SPIRE1: variants seen among roughly 807,000 people sequenced by gnomAD.
The protein encoded by SPIRE1 is spire type actin nucleation factor 1.
A neutral mutation model predicts 94.1 loss-of-function variants in SPIRE1; 40 were observed. The observed-to-expected ratio is 0.43, with a 90% CI of 0.33 to 0.55. SPIRE1 has a LOEUF of 0.55. Among genes scored for constraint, SPIRE1 ranks in the 20% least tolerant of loss-of-function variants. The probability of loss-of-function intolerance (pLI) is 0.06; values close to 1 mark genes in which losing one functional copy is unlikely to be tolerated. For missense variants in SPIRE1, 838 were observed against 975.2 expected, an observed-to-expected ratio of 0.86 and a Z score of 1.87; for synonymous variants, 376 against 371.7, an observed-to-expected ratio of 1.01 and a Z score of -0.13.
chr18:12,637,138 T>C (rs2037952663), intron 1 of SPIRE1, among the ~76,000 whole-genome samples: 1 of 152,132 alleles, frequency 6.6e-6, no homozygotes, highest in Non-Finnish European at 1.5e-5. Flanking sequence ...GGCAGACAGA[T>C]CATGAGGTCA....
intron 8 of SPIRE1, among the ~76,000 whole-genome samples, chr18:12,492,445 A>G (rs2033269614): frequency 6.6e-6 from 1 of 152,222 alleles, no homozygotes; most frequent in Admixed American, 6.5e-5. Context: ...TGCTTGTAGT[A>G]TACACTAAAA....
At position 12,504,073 on chromosome 18, in the gene SPIRE1, A is replaced by G. The variant is rs149328424; in HGVS notation, c.972+2404T>C. On this transcript the variant is annotated intron_variant, in intron 6 of 16. Transcript: ENST00000409402. ...TGAACTTGGGAAGTTACTACTGAGCATCTTTAAATTTCAGTTTCCTCATCT... is the reference window on the plus strand; with the variant it reads ...TGAACTTGGGAAGTTACTACTGAGCGTCTTTAAATTTCAGTTTCCTCATCT... Among the ~76,000 whole-genome samples, 28 of 147,928 alleles carry G rather than the reference A, an allele frequency of 1.9e-4. 1 individual carries two copies. The East Asian group carries it at 5.4e-3, about 29-fold the overall frequency.
intron 3 of SPIRE1, among the ~76,000 whole-genome samples, chr18:12,542,786 A>C (rs1405391746): frequency 6.6e-6 from 1 of 152,102 alleles, no homozygotes; most frequent in South Asian, 2.1e-4. Context: ...GTAAGACATT[A>C]TTATTTTTTG....
intron 12 of SPIRE1, among the ~76,000 whole-genome samples, chr18:12,457,355 TA>T (rs1868338367): frequency 6.6e-6 from 1 of 152,232 alleles, no homozygotes; most frequent in African/African-American, 2.4e-5. Flanking sequence ...TTTACAAAAA[TA>T]TTAATTCGAC....
intron 8 of SPIRE1, among the ~76,000 whole-genome samples, chr18:12,492,132 T>G (rs1194881791): frequency 6.6e-6 from 1 of 152,006 alleles, no homozygotes; most frequent in Admixed American, 6.6e-5. Context: ...TGGAAGGTAG[T>G]CAGAAACAAA....
intron 2 of SPIRE1, among the ~76,000 whole-genome samples, chr18:12,599,808 T>C (rs2036780473): frequency 6.6e-6 from 1 of 152,186 alleles, no homozygotes; most frequent in African/African-American, 2.4e-5. Flanking sequence ...ACACAGACTC[T>C]AAGACATCCC....
At chr18:12,570,308 G>A (rs2035931588) in intron 2 of SPIRE1, among the ~76,000 whole-genome samples, 1 of 152,168 alleles carries the variant, frequency 6.6e-6, no homozygotes, top group Non-Finnish European at 1.5e-5. Flanking sequence ...AATAGATAGC[G>A]TAAGTCTTAA....
chr18:12,634,966 G>A, intron 2 of SPIRE1, 96 bp downstream of exon 2: 1 of 619,396 alleles, frequency 1.6e-6, no homozygotes, highest in East Asian at 3.1e-5. Context: ...CTTATCAGAA[G>A]ACCAAGAACC....
intron 10 of SPIRE1, among the ~76,000 whole-genome samples, chr18:12,471,360 A>G (rs376249766): frequency 6.6e-6 from 1 of 151,516 alleles, no homozygotes; most frequent in Non-Finnish European, 1.5e-5. Context: ...GGCCCCTTCC[A>G]GTTAAAAAAA....
intron 1 of SPIRE1, among the ~76,000 whole-genome samples, chr18:12,648,755 G>A (rs575834289): frequency 5.5e-4 from 84 of 151,976 alleles, no homozygotes; most frequent in African/African-American, 1.8e-3. Flanking sequence ...CAGGTGTGGT[G>A]GCAGGTGCCT....
Position 12,454,409 on chromosome 18 carries a change from C to T in SPIRE1, c.1713G>A (p.Val571=). Residue 571 remains valine (V), a synonymous_variant, in exon 13 of 17, where the codon GTG becomes GTA. Transcript: ENST00000409402. ...EEVMHIRQVL[V]KAELEKYQQY... ...GTTGGTATTTTTCCAGCTCTGCCTT[C>T]ACCAGGACCTGGCGAATATGCATCA... The T allele has an allele frequency of 1.9e-6, 3 of 1,614,160 alleles. No individual in the cohort carries two copies. The highest frequency in any genetic ancestry group is 2.5e-6 in the Non-Finnish European group (3 of 1,180,012).
chr18:12,508,078 G>A (rs765642981), intron 5 of SPIRE1, among the ~76,000 whole-genome samples: 14 of 151,534 alleles, frequency 9.2e-5, no homozygotes, highest in African/African-American at 1.5e-4. Flanking sequence ...CCTGGGAGGC[G>A]GAGGTTGCAG....
chr18:12,480,299 A>C (rs191290180), intron 9 of SPIRE1, among the ~76,000 whole-genome samples: 1 of 152,342 alleles, frequency 6.6e-6, no homozygotes, highest in East Asian at 1.9e-4. Flanking sequence ...AAAATGGCTA[A>C]TAATCTATAT....
chr18:12,549,439 G>GGTTTTTTTTTTTTTTTTTTT, intron 2 of SPIRE1, among the ~76,000 whole-genome samples: 1 of 41,248 alleles, frequency 2.4e-5, no homozygotes, highest in Non-Finnish European at 3.9e-5. Flanking sequence ...TGTTATTGTT[G>GGTTTTTTTTTTTTTTTTTTT]TTTTTTTTTT....
chr18:12,594,375 TA>T (rs2036616830), intron 2 of SPIRE1, among the ~76,000 whole-genome samples: 1 of 152,174 alleles, frequency 6.6e-6, no homozygotes, highest in Non-Finnish European at 1.5e-5. Flanking sequence ...GGACATTAAT[TA>T]ATGGAATATT....
intron 12 of SPIRE1, among the ~76,000 whole-genome samples, chr18:12,455,282 A>G (rs1023971157): frequency 1.3e-5 from 2 of 152,160 alleles, no homozygotes; most frequent in East Asian, 3.8e-4. Flanking sequence ...GAATAGCCAA[A>G]AGAAGATGGT....
At chr18:12,640,213 G>A (rs1421075467) in intron 1 of SPIRE1, among the ~76,000 whole-genome samples, 1 of 152,102 alleles carries the variant, frequency 6.6e-6, no homozygotes, top group Non-Finnish European at 1.5e-5. Flanking sequence ...AGCTGAATAA[G>A]CAAAAGGCAA....
chr18:12,636,476 T>C (rs2037931833), intron 1 of SPIRE1: 1 of 144,386 alleles, frequency 6.9e-6, no homozygotes, highest in Non-Finnish European at 1.5e-5. Context: ...AAATAAAAAA[T>C]AAAATTGAAA....
intron 1 of SPIRE1, among the ~76,000 whole-genome samples, chr18:12,656,889 G>C (rs1035462460): frequency 6.6e-6 from 1 of 152,174 alleles, no homozygotes; most frequent in Non-Finnish European, 1.5e-5. Context: ...TCACATACAG[G>C]AATGCAATCA....
Sources: allele counts gnomAD v4.1 joint callset (sites outside exome capture counted in the v4.1 genomes callset), GRCh38; gene constraint gnomAD v4.1.1; transcripts MANE v1.5; gene names NCBI Gene and HGNC (gene_info 2026-07-23, HGNC 2026-07-21).